TMPRSS11F: variants seen among roughly 807,000 people sequenced by gnomAD.
TMPRSS11F encodes transmembrane protease serine 11F.
TMPRSS11F carries 47 observed loss-of-function variants against 60.2 expected under a neutral mutation model. That is an observed-to-expected ratio of 0.78 (90% CI 0.62 to 1.00). TMPRSS11F has a LOEUF of 1.00. TMPRSS11F is among the 50% of genes least tolerant of loss of function. The probability of loss-of-function intolerance (pLI) is 0.00; values close to 1 mark genes in which losing one functional copy is unlikely to be tolerated. For missense variants in TMPRSS11F, 519 were observed against 522.9 expected (o/e 0.99, Z 0.07); for synonymous variants, 166 against 167.3 (o/e 0.99, Z 0.06).
chr4:68,113,744 C>A (rs748837757), intron 1 of TMPRSS11F, among the ~76,000 whole-genome samples: 4 of 152,048 alleles, frequency 2.6e-5, no homozygotes. Context: ...AATTGATAAG[C>A]AAATAGTATC....
intron 3 of TMPRSS11F, among the ~76,000 whole-genome samples, chr4:68,076,412 T>C (rs1418429031): frequency 6.6e-6 from 1 of 152,224 alleles, no homozygotes; most frequent in Non-Finnish European, 1.5e-5. Context: ...GGGCACTGCA[T>C]ATTGGGTGTT....
intron 3 of TMPRSS11F, among the ~76,000 whole-genome samples, chr4:68,082,827 C>T (rs1042482420): frequency 5.9e-5 from 9 of 152,248 alleles, no homozygotes; most frequent in African/African-American, 2.2e-4. Flanking sequence ...GCTGGTGTGC[C>T]TCCCTCTACA....
intron 2 of TMPRSS11F, among the ~76,000 whole-genome samples, chr4:68,094,758 A>C (rs1724037414): frequency 6.6e-6 from 1 of 151,934 alleles, no homozygotes; most frequent in African/African-American, 2.4e-5. Flanking sequence ...AAGAAACCAA[A>C]CTTCAAAAAC....
chr4:68,098,991 C>A lies in TMPRSS11F; in HGVS notation c.59G>T (p.Arg20Ile), dbSNP rs1364986939. 7 of 1,613,226 alleles carry A rather than the reference C, an allele frequency of 4.3e-6. No individual in the cohort carries two copies. Among genetic ancestry groups the A allele is most frequent in the South Asian group, 1.1e-5 (1 of 91,010 alleles). The change falls in exon 2 of 10, where the codon AGA becomes ATA. Residue 20 changes from arginine (R) to isoleucine (I), a missense_variant. Transcript: ENST00000356291. ...TACTGAGTCCCAAAATTGCTGCTTT[C>A]TTTGATATTCAGCTCGTGAGAATTC... ...EAEFSRAEYQ[R>I]KQQFWDSVRL... is the part of the protein sequence containing the mutation.
At chr4:68,128,176 A>G (rs563306500) in intron 1 of TMPRSS11F, among the ~76,000 whole-genome samples, 58 of 152,256 alleles carry the variant, frequency 3.8e-4, no homozygotes, top group Non-Finnish European at 6.6e-4. Context: ...AAATACCTTT[A>G]CTAATGAATT....
rs756502581 is a variant in TMPRSS11F, at chr4:68,098,883, T to C, written c.163+4A>G. ...GGCAATGGAACTGTGACCTGGATACTTACCCTCAACAACAAAATGAGTAAC... is the reference window on the plus strand; with the variant it reads ...GGCAATGGAACTGTGACCTGGATACCTACCCTCAACAACAAAATGAGTAAC... On this transcript the variant is annotated splice_donor_region_variant and intron_variant, in intron 2 of 9. Coordinates refer to ENST00000356291, the MANE Select transcript of TMPRSS11F (RefSeq NM_207407.2). 1.2e-6 allele frequency: 2 copies of C among 1,608,564 alleles called. No homozygotes were observed. Among genetic ancestry groups the C allele is most frequent in the Non-Finnish European group, 1.7e-6 (2 of 1,177,588 alleles).
intron 3 of TMPRSS11F, among the ~76,000 whole-genome samples, chr4:68,082,400 G>A (rs1205975679): frequency 6.6e-6 from 1 of 152,156 alleles, no homozygotes. Flanking sequence ...ATCCTCCAAG[G>A]CTCTCCCCCT....
At chr4:68,057,800 C>A (rs113009197) in intron 9 of TMPRSS11F, among the ~76,000 whole-genome samples, 1 of 152,026 alleles carries the variant, frequency 6.6e-6, no homozygotes, top group African/African-American at 2.4e-5. Context: ...ATTTAAACCA[C>A]CTAAGTGGAA....
chr4:68,076,417 G>A (rs1001446543), intron 3 of TMPRSS11F, among the ~76,000 whole-genome samples: 9 of 152,162 alleles, frequency 5.9e-5, no homozygotes, highest in Non-Finnish European at 1.3e-4. Flanking sequence ...CTGCATATTG[G>A]GTGTTTTCTT....
intron 1 of TMPRSS11F, among the ~76,000 whole-genome samples, chr4:68,104,939 T>C (rs562569060): frequency 6.9e-6 from 1 of 144,240 alleles, no homozygotes; most frequent in South Asian, 2.3e-4. Flanking sequence ...TCAATGTTTA[T>C]CTAAGAAATT....
chr4:68,070,010 G>C lies in TMPRSS11F; in HGVS notation c.515-3C>G. 1.9e-6 allele frequency: 3 copies of C among 1,601,342 alleles called. No individual in the cohort carries two copies. The highest frequency in any genetic ancestry group is 2.6e-6 in the Non-Finnish European group (3 of 1,173,464). ...CCTCATCTTTTTGCTGTCAATAGCT[G>C]GAATAAGCAAAACATGAATTAGTTG... On this transcript the variant is annotated splice_polypyrimidine_tract_variant and splice_region_variant and intron_variant, in intron 5 of 9. Coordinates refer to ENST00000356291, the MANE Select transcript of TMPRSS11F (RefSeq NM_207407.2).
At chr4:68,075,451 G>A (rs567937437) in intron 3 of TMPRSS11F, among the ~76,000 whole-genome samples, 2 of 151,862 alleles carry the variant, frequency 1.3e-5, no homozygotes, top group African/African-American at 4.8e-5. Flanking sequence ...CCCCTTCATT[G>A]GCCCCTACTT....
chr4:68,125,233 T>C (rs1192256314), intron 1 of TMPRSS11F, among the ~76,000 whole-genome samples: 1 of 151,670 alleles, frequency 6.6e-6, no homozygotes, highest in African/African-American at 2.4e-5. Context: ...TTATATAAAG[T>C]ACTGAATATG....
intron 9 of TMPRSS11F, among the ~76,000 whole-genome samples, chr4:68,056,814 A>C (rs1048830315): frequency 3.9e-5 from 6 of 152,232 alleles, no homozygotes; most frequent in Non-Finnish European, 8.8e-5. Flanking sequence ...TAATCAACAT[A>C]GTGTGGTCCT....
chr4:68,099,388 G>T (rs1179211633), intron 1 of TMPRSS11F, among the ~76,000 whole-genome samples: 2 of 152,070 alleles, frequency 1.3e-5, no homozygotes, highest in African/African-American at 4.8e-5. Context: ...TTTCTTAATG[G>T]CATGTTGTAC....
intron 1 of TMPRSS11F, among the ~76,000 whole-genome samples, chr4:68,122,530 G>A (rs1724642366): frequency 6.6e-6 from 1 of 152,094 alleles, no homozygotes; most frequent in South Asian, 2.1e-4. Flanking sequence ...CATTATAAAT[G>A]AAACAATAGT....
At chr4:68,111,796 A>C (rs1724414575) in intron 1 of TMPRSS11F, among the ~76,000 whole-genome samples, 1 of 152,194 alleles carries the variant, frequency 6.6e-6, no homozygotes, top group African/African-American at 2.4e-5. Context: ...TAAGGCTTAG[A>C]GAGACTAATT....
intron 9 of TMPRSS11F, among the ~76,000 whole-genome samples, chr4:68,054,780 C>G (rs1371706597): frequency 6.6e-6 from 1 of 152,068 alleles, no homozygotes; most frequent in Non-Finnish European, 1.5e-5. Flanking sequence ...CTGAGGCAAT[C>G]TGATGTCTGT....
In TMPRSS11F at chr4:68,122,326, T is replaced by C. The variant is rs954184654; in HGVS notation, c.11+7484A>G. Among the ~76,000 whole-genome samples, 3 of 152,290 alleles carry C rather than the reference T, an allele frequency of 2.0e-5. No individual in the cohort carries two copies. In the East Asian group the frequency reaches 5.8e-4, roughly 29 times the overall value. On this transcript the variant is annotated intron_variant, in intron 1 of 9. Transcript: ENST00000356291. Reference sequence around the variant, plus strand: ...TTTGATAAGTGGATCAATAGAAATTTACTTCTCTATTTGCATGAAAATCCA... The same window carrying C: ...TTTGATAAGTGGATCAATAGAAATTCACTTCTCTATTTGCATGAAAATCCA...
Sources: gnomAD v4.1 joint callset for allele counts (sites outside exome capture counted in the v4.1 genomes callset) on GRCh38, gnomAD v4.1.1 for gene constraint, MANE v1.5 for transcripts, NCBI Gene and HGNC (gene_info 2026-07-23, HGNC 2026-07-21) for gene names.